Variants in EYA2 observed in about 807,000 individuals in gnomAD.
EYA2 encodes protein phosphatase EYA2.
A neutral mutation model predicts 69.2 loss-of-function variants in EYA2; 31 were observed. The observed-to-expected ratio is 0.45, with a 90% CI of 0.34 to 0.60. EYA2 has a LOEUF of 0.60. Among genes scored for constraint, EYA2 ranks in the 20% least tolerant of loss-of-function variants. The probability of loss-of-function intolerance (pLI) is 0.02; values close to 1 mark genes in which losing one functional copy is unlikely to be tolerated. For missense variants in EYA2, 622 were observed against 701.2 expected (o/e 0.89, Z 1.28); for synonymous variants, 257 against 279.4 (o/e 0.92, Z 0.80).
intron 1 of EYA2, among the ~76,000 whole-genome samples, chr20:46,917,761 C>G (rs1179835544): frequency 1.3e-5 from 2 of 152,138 alleles, no homozygotes; most frequent in Non-Finnish European, 2.9e-5. Flanking sequence ...TACTTCATTG[C>G]TAAAAAACGC....
intron 5 of EYA2, among the ~76,000 whole-genome samples, chr20:47,028,864 C>T (rs1044157928): frequency 6.6e-6 from 1 of 152,038 alleles, no homozygotes; most frequent in Non-Finnish European, 1.5e-5. Context: ...AGCCCCAGCC[C>T]TATATACCGG....
intron 9 of EYA2, among the ~76,000 whole-genome samples, chr20:47,135,375 C>T (rs1600733463): frequency 6.6e-6 from 1 of 152,086 alleles, no homozygotes. Context: ...AGAAGTGGAA[C>T]TGGCCTTGAT....
chr20:47,107,617 G>A (rs373962708), intron 9 of EYA2, among the ~76,000 whole-genome samples: 1 of 151,864 alleles, frequency 6.6e-6, no homozygotes, highest in African/African-American at 2.4e-5. Context: ...GAGGCAGGAG[G>A]ATTGCTTGAG....
chr20:47,073,576 C>A (rs1393374579), intron 6 of EYA2, among the ~76,000 whole-genome samples: 1 of 151,910 alleles, frequency 6.6e-6, no homozygotes, highest in Non-Finnish European at 1.5e-5. Context: ...ACTGCATATA[C>A]CAGGCACTGT....
intron 9 of EYA2, among the ~76,000 whole-genome samples, chr20:47,136,250 G>C (rs752411951): frequency 6.6e-6 from 1 of 151,762 alleles, no homozygotes; most frequent in African/African-American, 2.4e-5. Context: ...GAAAACAACT[G>C]TTTAGTCTTA....
At chr20:47,024,452 T>C (rs181676625) in intron 5 of EYA2, among the ~76,000 whole-genome samples, 60 of 152,348 alleles carry the variant, frequency 3.9e-4, no homozygotes, top group African/African-American at 1.4e-3. Context: ...AGCTTGTTGC[T>C]TCTGATCTTT....
chr20:46,926,134 G>A (rs1382459743), intron 1 of EYA2, among the ~76,000 whole-genome samples: 2 of 152,098 alleles, frequency 1.3e-5, no homozygotes, highest in African/African-American at 4.8e-5. Flanking sequence ...TTTACATAAA[G>A]AAAATTTGAA....
chr20:47,107,860 A>C (rs1335136483), intron 9 of EYA2, among the ~76,000 whole-genome samples: 1 of 152,198 alleles, frequency 6.6e-6, no homozygotes. Flanking sequence ...GAAAAAGAGA[A>C]GTTGAAATTA....
intron 7 of EYA2, among the ~76,000 whole-genome samples, chr20:47,078,331 G>GCGCGCACA (rs1474691098): frequency 8.1e-6 from 1 of 123,734 alleles, no homozygotes; most frequent in Non-Finnish European, 1.9e-5. Flanking sequence ...GCGCGCGCGC[G>GCGCGCACA]CACACACACA....
intron 1 of EYA2, among the ~76,000 whole-genome samples, chr20:46,962,396 C>G (rs1273628343): frequency 2.6e-5 from 4 of 152,130 alleles, no homozygotes; most frequent in African/African-American, 9.7e-5. Context: ...TGCTAATTAC[C>G]CCAATACATT....
intron 1 of EYA2, among the ~76,000 whole-genome samples, chr20:46,987,928 CTCTCT>C (rs1568706927): frequency 8.6e-4 from 25 of 29,202 alleles, no homozygotes; most frequent in South Asian, 1.6e-3. Flanking sequence ...CTCTCTCTCT[CTCTCT>C]CTCTCTCTCT....
intron 1 of EYA2, among the ~76,000 whole-genome samples, chr20:46,939,118 T>C (rs1023184250): frequency 2.6e-5 from 4 of 152,190 alleles, no homozygotes; most frequent in Non-Finnish European, 5.9e-5. Context: ...GCCCCAGCCA[T>C]GGGTAGGCTT....
At chr20:46,962,630 C>T (rs1336336484) in intron 1 of EYA2, among the ~76,000 whole-genome samples, 2 of 152,182 alleles carry the variant, frequency 1.3e-5, no homozygotes, top group African/African-American at 2.4e-5. Flanking sequence ...GATCATATGT[C>T]GCCTCTTCCA....
intron 5 of EYA2, among the ~76,000 whole-genome samples, chr20:47,040,509 T>G (rs766523569): frequency 6.6e-6 from 1 of 152,184 alleles, no homozygotes; most frequent in Non-Finnish European, 1.5e-5. Context: ...AAACGCCGAG[T>G]TGGGGCTCAG....
intron 7 of EYA2, among the ~76,000 whole-genome samples, chr20:47,083,547 C>A (rs1221475291): frequency 7.1e-6 from 1 of 140,962 alleles, no homozygotes; most frequent in Non-Finnish European, 1.5e-5. Flanking sequence ...CACCACACTG[C>A]AGCCTGGGTG....
rs1206765 is a variant in EYA2, at chr20:46,958,080, G to C, written c.-10-31921G>C. ...CGCTAAGACTTATCACCATGGCTCC[G>C]AAATAGCTCTTGATCCACTGGAACA... On this transcript the variant is annotated intron_variant, in intron 1 of 15. Coordinates refer to ENST00000327619, the MANE Select transcript of EYA2 (RefSeq NM_005244.5). 5.3e-5 allele frequency among the ~76,000 whole-genome samples: 8 copies of C among 152,252 alleles called. No individual in the cohort carries two copies. In the East Asian group the frequency reaches 1.6e-3, roughly 30 times the overall value.
intron 5 of EYA2, among the ~76,000 whole-genome samples, chr20:47,023,630 G>A (rs968034033): frequency 2.3e-5 from 1 of 43,492 alleles, no homozygotes; most frequent in African/African-American, 6.1e-5. Context: ...TTGATTTTGG[G>A]TGTTTTTTTT....
intron 11 of EYA2, among the ~76,000 whole-genome samples, chr20:47,170,799 T>G (rs1438288443): frequency 6.6e-6 from 1 of 152,204 alleles, no homozygotes; most frequent in South Asian, 2.1e-4. Flanking sequence ...TCATCAGATA[T>G]ATTATTAGAC....
chr20:47,133,809 A>G (rs1159141085), intron 9 of EYA2, among the ~76,000 whole-genome samples: 1 of 152,222 alleles, frequency 6.6e-6, no homozygotes, highest in Non-Finnish European at 1.5e-5. Context: ...AGCCCACTTG[A>G]GCCTTGATGT....
Sources: allele counts gnomAD v4.1 joint callset (sites outside exome capture counted in the v4.1 genomes callset), GRCh38; gene constraint gnomAD v4.1.1; transcripts MANE v1.5; gene names NCBI Gene and HGNC (gene_info 2026-07-23, HGNC 2026-07-21).